NID1: variants seen among roughly 807,000 people sequenced by gnomAD.
The protein encoded by NID1 is nidogen 1.
NID1 carries 76 observed loss-of-function variants against 130.6 expected under a neutral mutation model. The ratio of observed to expected loss-of-function variants is 0.58; its 90% CI spans 0.48 to 0.70. The LOEUF (loss-of-function observed/expected upper bound fraction) is 0.70, where lower values mean the gene tolerates loss of function less well. Ranked by LOEUF, NID1 falls within the 30% of genes least tolerant of loss-of-function variation. The pLI, the probability that NID1 is intolerant of heterozygous loss-of-function variation, is 0.00. For missense variants in NID1, 1,517 were observed against 1,664.8 expected (o/e 0.91, Z 1.54); for synonymous variants, 665 against 675.1 (o/e 0.98, Z 0.23).
rs1558439620 is a variant in NID1 at position 236,029,759 on chromosome 1, CA to C, written c.1538-10del. 3 of 1,613,948 alleles carry C rather than the reference CA, an allele frequency of 1.9e-6. No individual in the cohort carries two copies. The highest frequency in any genetic ancestry group is 2.5e-6 in the Non-Finnish European group (3 of 1,179,948). ...GCGAGTGAACTCACCCCCTGAAAAACAAGATGAGACTGTCACTTTGCTGACT... is the reference window on the plus strand; with the variant it reads ...GCGAGTGAACTCACCCCCTGAAAAACAGATGAGACTGTCACTTTGCTGACT... On this transcript the variant is annotated splice_polypyrimidine_tract_variant and intron_variant, in intron 6 of 19. Transcript: ENST00000264187.
rs565763781 is a variant in NID1, at chr1:236,055,127, AC to A, written c.226-6139del. 4.8e-3 allele frequency among the ~76,000 whole-genome samples: 719 copies of A among 149,250 alleles called. 7 individuals carry two copies. Among genetic ancestry groups the A allele is most frequent in the Middle Eastern group, 0.017 (5 of 290 alleles). Reference sequence around the variant, plus strand: ...AGACCATCCTGGGTAACACGGTGAAACCCCGTCTCTACTAAAAATACAAAAA... The same window carrying A: ...AGACCATCCTGGGTAACACGGTGAAACCCGTCTCTACTAAAAATACAAAAA... On this transcript the variant is annotated intron_variant, in intron 1 of 19. Transcript: ENST00000264187.
intron 4 of NID1, 138 bp from the exon 5 acceptor site, chr1:236,038,391 A>C: frequency 1.2e-6 from 1 of 824,122 alleles, no homozygotes; most frequent in Non-Finnish European, 1.8e-6. Context: ...CTCACTACAG[A>C]AGATTACAAT....
At chr1:236,015,784 G>A (rs767242904) in intron 10 of NID1, among the ~76,000 whole-genome samples, 1 of 151,926 alleles carries the variant, frequency 6.6e-6, no homozygotes, top group Non-Finnish European at 1.5e-5. Flanking sequence ...CCAATGATCC[G>A]GTCTAATCAC....
At position 236,013,274 on chromosome 1, in the gene NID1, C is replaced by T. The variant is rs1658484952; in HGVS notation, c.2404+137G>A. 6 of 927,400 alleles carry T rather than the reference C, an allele frequency of 6.5e-6. No homozygotes were observed. In the South Asian group the frequency reaches 1.0e-4, roughly 16 times the overall value. 57.4% of individuals were successfully genotyped at this position (927,400 alleles called of 1,614,324 possible). ...CAAACTACTAGAGAGATATAAAAAG[C>T]AACACATTTACTCTGTGGAGATGAC... On this transcript the variant is annotated intron_variant, in intron 11 of 19. Coordinates refer to ENST00000264187, the MANE Select transcript of NID1 (RefSeq NM_002508.3).
chr1:236,002,154 G>C (rs1377963612), intron 12 of NID1, among the ~76,000 whole-genome samples: 1 of 152,214 alleles, frequency 6.6e-6, no homozygotes, highest in East Asian at 1.9e-4. Flanking sequence ...GCTGCTATGG[G>C]ACAGAGAGGA....
chr1:236,019,491 G>A (rs1024939248), intron 9 of NID1, among the ~76,000 whole-genome samples: 1 of 152,180 alleles, frequency 6.6e-6, no homozygotes, highest in African/African-American at 2.4e-5. Flanking sequence ...AGGGGAAGCT[G>A]TGTTTTGGAA....
chr1:235,989,861 C>T (rs1570831), intron 14 of NID1, among the ~76,000 whole-genome samples: 1 of 152,052 alleles, frequency 6.6e-6, no homozygotes, highest in Non-Finnish European at 1.5e-5. Flanking sequence ...TGGTGTGTTC[C>T]AGGACCAGCC....
chr1:235,987,542 T>C (rs1657611028), intron 14 of NID1, among the ~76,000 whole-genome samples: 1 of 152,122 alleles, frequency 6.6e-6, no homozygotes, highest in Non-Finnish European at 1.5e-5. Flanking sequence ...GATCAGACAG[T>C]GAGGAGTTCC....
At chr1:235,996,937 C>A (rs1433129182) in intron 12 of NID1, among the ~76,000 whole-genome samples, 1 of 152,100 alleles carries the variant, frequency 6.6e-6, no homozygotes, top group Admixed American at 6.6e-5. Flanking sequence ...CGGGTTCAAG[C>A]GATTCTCCTA....
At chr1:236,054,412 C>A (rs1292917739) in intron 1 of NID1, among the ~76,000 whole-genome samples, 1 of 151,994 alleles carries the variant, frequency 6.6e-6, no homozygotes, top group Non-Finnish European at 1.5e-5. Context: ...GCCGAGACTG[C>A]GTCATTGCAC....
intron 11 of NID1, among the ~76,000 whole-genome samples, 182 bp from the exon 12 acceptor site, chr1:236,012,225 T>C (rs1457356076): frequency 2.0e-5 from 3 of 152,232 alleles, no homozygotes; most frequent in Admixed American, 6.5e-5. Context: ...TCTGTCGTAC[T>C]TGCAAATGTG....
chr1:236,045,423 G>C, intron 3 of NID1, 34 bp downstream of exon 3: 1 of 1,424,512 alleles, frequency 7.0e-7, no homozygotes, highest in Non-Finnish European at 9.9e-7. Context: ...AAAATATTAA[G>C]AGGAGAATCT....
intron 1 of NID1, chr1:236,060,549 G>A (rs150674933): frequency 6.6e-6 from 1 of 152,040 alleles, no homozygotes; most frequent in Non-Finnish European, 1.5e-5. Flanking sequence ...CTGACATAAG[G>A]GTAATAGAGA....
At chr1:235,993,413 G>A (rs1323844148) in intron 13 of NID1, among the ~76,000 whole-genome samples, 3 of 137,834 alleles carry the variant, frequency 2.2e-5, no homozygotes, top group Admixed American at 7.0e-5. Context: ...GTGTTGGGTG[G>A]GGAAGGAGAA....
intron 10 of NID1, among the ~76,000 whole-genome samples, chr1:236,014,409 T>C (rs1477719509): frequency 1.3e-5 from 2 of 152,040 alleles, no homozygotes; most frequent in South Asian, 2.1e-4. Flanking sequence ...TGGCTCTGAG[T>C]TCTTTTAGAA....
At chr1:236,021,110 G>T (rs1658745827) in intron 9 of NID1, among the ~76,000 whole-genome samples, 1 of 152,216 alleles carries the variant, frequency 6.6e-6, no homozygotes. Context: ...TGTGTAATGA[G>T]GAGGCATGGA....
chr1:236,020,616 C>T (rs563000238), intron 9 of NID1, among the ~76,000 whole-genome samples: 1 of 152,220 alleles, frequency 6.6e-6, no homozygotes, highest in African/African-American at 2.4e-5. Flanking sequence ...TGTCATATAC[C>T]ATCATATCAG....
In NID1 at chr1:236,024,122, CTG is replaced by C. The variant is rs754909104; in HGVS notation, c.2074_2075del (p.Gln692ValfsTer18). 1.2e-6 allele frequency: 2 copies of C among 1,614,146 alleles called. No homozygotes were observed. Among genetic ancestry groups the C allele is most frequent in the Non-Finnish European group, 1.7e-6 (2 of 1,180,050 alleles). On this transcript the variant is annotated frameshift_variant, in exon 9 of 20. Transcript: ENST00000264187. LOFTEE classifies it high-confidence loss of function. ...AGCCGATGGAGCACTCGCAGGTGAA[CTG>C]TGTCCTGGGACCAGGGCGACAGGCC... Reference protein sequence around the residue: ...NAACRPGPRTQFTCECSIGFR... With the variant: ...NAACRPGPRTXFTCECSIGFR...
intron 15 of NID1, among the ~76,000 whole-genome samples, chr1:235,982,309 T>C (rs1237875866): frequency 6.6e-6 from 1 of 152,120 alleles, no homozygotes; most frequent in Non-Finnish European, 1.5e-5. Context: ...TGTATGTGGC[T>C]GGAGACTATG....
Sources: allele counts gnomAD v4.1 joint callset (sites outside exome capture counted in the v4.1 genomes callset), GRCh38; gene constraint gnomAD v4.1.1; transcripts MANE v1.5; gene names NCBI Gene and HGNC (gene_info 2026-07-23, HGNC 2026-07-21).